The following LRPPRC variants were observed in gnomAD, a reference collection of about 807,000 sequenced individuals.
The protein encoded by LRPPRC is leucine-rich PPR motif-containing protein, mitochondrial.
Under a neutral mutation model 180.3 loss-of-function variants are expected in LRPPRC, and 120 were observed. The observed-to-expected ratio is 0.67, with a 90% CI of 0.57 to 0.77. LRPPRC has a LOEUF of 0.77. Among genes scored for constraint, LRPPRC ranks in the 30% least tolerant of loss-of-function variants. The pLI, the probability that LRPPRC is intolerant of heterozygous loss-of-function variation, is 0.00. For missense variants in LRPPRC, 2,012 were observed against 1,657.2 expected (o/e 1.21, Z -3.72); for synonymous variants, 723 against 600.0 (o/e 1.21, Z -3.00).
At chr2:43,988,840 A>T (rs1325417664) in intron 1 of LRPPRC, among the ~76,000 whole-genome samples, 1 of 152,038 alleles carries the variant, frequency 6.6e-6, no homozygotes, top group African/African-American at 2.4e-5. Context: ...ACCACGCCTG[A>T]CCAAATGCCT....
At chr2:43,908,031 G>C (rs1671122543) in intron 30 of LRPPRC, among the ~76,000 whole-genome samples, 1 of 152,100 alleles carries the variant, frequency 6.6e-6, no homozygotes, top group South Asian at 2.1e-4. Context: ...ACATTAGTTG[G>C]TGATTATATT....
At chr2:43,932,631 T>C (rs1379355588) in intron 25 of LRPPRC, among the ~76,000 whole-genome samples, 1 of 152,072 alleles carries the variant, frequency 6.6e-6, no homozygotes, top group Non-Finnish European at 1.5e-5. Context: ...TTATGTGAGG[T>C]AAAGAAGACA....
At chr2:43,892,149 G>C (rs1670513522) in intron 36 of LRPPRC, among the ~76,000 whole-genome samples, 1 of 152,212 alleles carries the variant, frequency 6.6e-6, no homozygotes, top group Admixed American at 6.5e-5. Flanking sequence ...GCTACGGCAG[G>C]TTATCCAGAA....
intron 1 of LRPPRC, among the ~76,000 whole-genome samples, chr2:43,989,151 G>C (rs960843444): frequency 6.6e-6 from 1 of 152,092 alleles, no homozygotes; most frequent in African/African-American, 2.4e-5. Context: ...GAGATTACTG[G>C]GCCTGGCCTA....
Position 43,896,712 on chromosome 2 carries a change from A to G in LRPPRC, c.3826-4T>C, listed in dbSNP as rs2104983947. The G allele has an allele frequency of 6.3e-7, 1 of 1,578,748 alleles. No individual in the cohort carries two copies. The highest frequency in any genetic ancestry group is 1.1e-5 in the South Asian group (1 of 90,332). Reference sequence around the variant, plus strand: ...GTTCAGCAATTGCACCACATCTCTAAAAATTAAAACATTATTCAGTAAGTG... The same window carrying G: ...GTTCAGCAATTGCACCACATCTCTAGAAATTAAAACATTATTCAGTAAGTG... On this transcript the variant is annotated splice_polypyrimidine_tract_variant and splice_region_variant and intron_variant, in intron 34 of 37. Coordinates refer to ENST00000260665, the MANE Select transcript of LRPPRC (RefSeq NM_133259.4).
At chr2:43,947,921 A>T in intron 18 of LRPPRC, 146 bp from the exon 19 acceptor site, 2 of 663,814 alleles carry the variant, frequency 3.0e-6, no homozygotes, top group South Asian at 3.7e-5. Context: ...ATACTTTATT[A>T]ATCAATGTAA....
chr2:43,915,271 C>CAG (rs1558930565), intron 29 of LRPPRC, among the ~76,000 whole-genome samples: 13 of 145,318 alleles, frequency 8.9e-5, no homozygotes, highest in South Asian at 2.2e-4. Flanking sequence ...CACACACACA[C>CAG]ACACACAAGT....
chr2:43,954,664 C>T (rs1673036006), intron 14 of LRPPRC, among the ~76,000 whole-genome samples: 1 of 152,118 alleles, frequency 6.6e-6, no homozygotes, highest in Non-Finnish European at 1.5e-5. Context: ...TATATATGTA[C>T]ACACATGTGC....
intron 27 of LRPPRC, among the ~76,000 whole-genome samples, chr2:43,924,359 G>A (rs1671802069): frequency 6.6e-6 from 1 of 152,138 alleles, no homozygotes; most frequent in Non-Finnish European, 1.5e-5. Flanking sequence ...GAGATCGAAA[G>A]TTTCAGAAAT....
At chr2:43,966,583 T>C (rs1415027769) in intron 11 of LRPPRC, among the ~76,000 whole-genome samples, 2 of 151,706 alleles carry the variant, frequency 1.3e-5, no homozygotes, top group African/African-American at 2.4e-5. Context: ...GTAATTTTTG[T>C]ATTTTTACCA....
intron 1 of LRPPRC, among the ~76,000 whole-genome samples, chr2:43,989,942 G>A (rs1461702452): frequency 5.3e-5 from 8 of 152,124 alleles, no homozygotes; most frequent in Non-Finnish European, 7.4e-5. Context: ...GGCCAGGTGC[G>A]GTGGCTCATG....
In LRPPRC at chr2:43,976,161, G is replaced by C; in HGVS notation, c.719C>G (p.Thr240Arg). The C allele has an allele frequency of 1.2e-6, 2 of 1,607,306 alleles. No individual in the cohort carries two copies. The highest frequency in any genetic ancestry group is 1.7e-6 in the Non-Finnish European group (2 of 1,173,798). The change falls in exon 6 of 38, where the codon ACA becomes AGA. Residue 240 changes from threonine to arginine, a missense_variant. Coordinates refer to ENST00000260665, the MANE Select transcript of LRPPRC (RefSeq NM_133259.4). Reference sequence around the variant, plus strand: ...ACATTACCCAGCTCTGGCATGCCCTGTCACAAGGGCACTGAATACTGCCTC... The same window carrying C: ...ACATTACCCAGCTCTGGCATGCCCTCTCACAAGGGCACTGAATACTGCCTC... ...VTEAVFSALV[T>R]GHARAGDMEN...
At chr2:43,970,600 T>A (rs972572104) in intron 11 of LRPPRC, among the ~76,000 whole-genome samples, 3 of 152,200 alleles carry the variant, frequency 2.0e-5, no homozygotes, top group African/African-American at 7.2e-5. Context: ...ATAAAAATAT[T>A]TCAATATAGC....
intron 25 of LRPPRC, among the ~76,000 whole-genome samples, chr2:43,932,446 ATTC>A (rs1401158211): frequency 2.6e-5 from 4 of 152,228 alleles, no homozygotes; most frequent in African/African-American, 9.6e-5. Flanking sequence ...CTGTAAAGCT[ATTC>A]TTCACCCTTT....
chr2:43,947,418 T>C (rs552477288), intron 19 of LRPPRC, 48 bp from the exon 20 acceptor site: 10 of 906,550 alleles, frequency 1.1e-5, no homozygotes, highest in Admixed American at 1.8e-5. Context: ...AAAGGAAATA[T>C]AGTATGCCTT....
intron 11 of LRPPRC, among the ~76,000 whole-genome samples, chr2:43,966,816 C>G (rs1272649651): frequency 6.6e-6 from 1 of 151,506 alleles, no homozygotes; most frequent in Non-Finnish European, 1.5e-5. Flanking sequence ...TTTGGGAGGC[C>G]AAGGCTGGTG....
chr2:43,959,863 GAC>G (rs1417330171), intron 13 of LRPPRC, among the ~76,000 whole-genome samples: 2 of 152,186 alleles, frequency 1.3e-5, no homozygotes, highest in Non-Finnish European at 2.9e-5. Flanking sequence ...CAGCCTAGGT[GAC>G]AGAGTGAGAC....
intron 11 of LRPPRC, among the ~76,000 whole-genome samples, chr2:43,967,108 T>C (rs576547746): frequency 1.3e-3 from 195 of 151,252 alleles, no homozygotes; most frequent in Admixed American, 0.01. Context: ...TGTACACATA[T>C]CAAAATGTAG....
rs2954800 is a variant in LRPPRC at position 43,930,560 on chromosome 2, T to C, written c.2736+3630A>G. Among the ~76,000 whole-genome samples the C allele has an allele frequency of 1.4e-4, 22 of 152,304 alleles. No individual in the cohort carries two copies. The East Asian group carries it at 3.9e-3, about 27-fold the overall frequency. On this transcript the variant is annotated intron_variant, in intron 25 of 37. Transcript: ENST00000260665. ...TTAATGGCCACATCATTCCATTTCA[T>C]AAACAAACTGGAGTTCATTTGCGCC... is the stretch of plus-strand genomic sequence containing the variant.
Sources: allele counts gnomAD v4.1 joint callset (sites outside exome capture counted in the v4.1 genomes callset), GRCh38; gene constraint gnomAD v4.1.1; transcripts MANE v1.5; gene names NCBI Gene and HGNC (gene_info 2026-07-23, HGNC 2026-07-21).